Variants in DST observed in about 807,000 individuals in gnomAD.
The protein encoded by DST is dystonin.
A neutral mutation model predicts 875.2 loss-of-function variants in DST; 253 were observed. The ratio of observed to expected loss-of-function variants is 0.29; its 90% CI spans 0.26 to 0.32. The LOEUF is 0.32. Among genes scored for constraint, DST ranks in the 10% least tolerant of loss-of-function variants. The probability of loss-of-function intolerance (pLI) is 1.00; values close to 1 mark genes in which losing one functional copy is unlikely to be tolerated. For missense variants in DST, 8,287 were observed against 9,111.6 expected (o/e 0.91, Z 3.68); for synonymous variants, 3,124 against 3,197.1 (o/e 0.98, Z 0.77).
intron 4 of DST, among the ~76,000 whole-genome samples, chr6:56,803,282 C>T (rs907121082): frequency 1.3e-5 from 2 of 152,198 alleles, no homozygotes; most frequent in African/African-American, 4.8e-5. Context: ...TAGCCTATTC[C>T]TTGGGAAATC....
Position 56,720,064 on chromosome 6 carries a change from C to T in DST, c.687+15164G>A, listed in dbSNP as rs189116488. 4.2e-3 allele frequency among the ~76,000 whole-genome samples: 643 copies of T among 152,226 alleles called. 1 individual carries two copies. The highest frequency in any genetic ancestry group is 0.031 in the Middle Eastern group (9 of 294). Reference sequence around the variant, plus strand: ...ACCAAAATTTATTAGGCGGGAATTTCCTCTTCCTAATAAGCCTGGGAGCAC... The same window carrying T: ...ACCAAAATTTATTAGGCGGGAATTTTCTCTTCCTAATAAGCCTGGGAGCAC... On this transcript the variant is annotated intron_variant, in intron 5 of 103. Coordinates refer to ENST00000680361, the MANE Select transcript of DST (RefSeq NM_001374736.1).
chr6:56,616,641 T>C, intron 36 of DST: 1 of 1,614,174 alleles, frequency 6.2e-7, no homozygotes. Flanking sequence ...AAGATGGCAT[T>C]ATTCAACAAC....
intron 3 of DST, among the ~76,000 whole-genome samples, chr6:56,875,085 C>A (rs1353143501): frequency 2.0e-5 from 3 of 152,120 alleles, no homozygotes; most frequent in African/African-American, 7.2e-5. Flanking sequence ...CCAGGTTCAC[C>A]CCATTCTCCT....
At chr6:56,735,089 A>C (rs545403648) in intron 5 of DST, 139 bp downstream of exon 5, 1 of 679,914 alleles carries the variant, frequency 1.5e-6, no homozygotes, top group East Asian at 2.8e-5. Context: ...AGATGCCTAA[A>C]ATGCATGCAA....
chr6:56,553,192 T>G lies in DST; in HGVS notation c.15600A>C (p.Glu5200Asp). 6.2e-7 allele frequency: 1 copy of G among 1,614,002 alleles called. No individual in the cohort carries two copies. Among genetic ancestry groups the G allele is most frequent in the Non-Finnish European group, 8.5e-7 (1 of 1,179,896 alleles). Residue 5200 changes from glutamate (E) to aspartate (D), a missense_variant, in exon 61 of 104, where the codon GAA becomes GAC. Glu to Asp is a conservative substitution (Grantham distance 45). This residue lies in a region of DST where 1,513 missense variants were observed against 1,677.8 expected (regional missense o/e 0.90). Transcript: ENST00000680361. ...EEIKFCLDPAEGENSIAKLKS... is the reference protein window; with the variant it reads ...EEIKFCLDPADGENSIAKLKS... The stretch of plus-strand genomic sequence containing the variant: ...TTAACTTGGCAATAGAATTCTCTCC[T>G]TCAGCAGGATCCAAGCAAAATTTTA...
At chr6:56,750,116 C>G (rs989564283) in intron 4 of DST, among the ~76,000 whole-genome samples, 1 of 152,192 alleles carries the variant, frequency 6.6e-6, no homozygotes, top group Non-Finnish European at 1.5e-5. Flanking sequence ...GCAGACTTCT[C>G]TCTGAGGCTT....
At chr6:56,761,082 G>C (rs1447952819) in intron 4 of DST, among the ~76,000 whole-genome samples, 1 of 152,196 alleles carries the variant, frequency 6.6e-6, no homozygotes, top group African/African-American at 2.4e-5. Context: ...CTTACCCTGG[G>C]GGAAGCCAGT....
intron 90 of DST, among the ~76,000 whole-genome samples, chr6:56,478,663 G>C (rs1363172166): frequency 6.6e-6 from 1 of 152,136 alleles, no homozygotes; most frequent in Non-Finnish European, 1.5e-5. Context: ...TAGAATGTTA[G>C]AGATCTGCAA....
chr6:56,466,740 CAT>C (rs1172575772), intron 98 of DST: 8 of 152,292 alleles, frequency 5.3e-5, no homozygotes, highest in Admixed American at 4.6e-4. Flanking sequence ...GAGTATGACT[CAT>C]ATAAATTTCA....
rs78059367 is a variant in DST, at chr6:56,941,125, T to C, written c.216+12660A>G. On this transcript the variant is annotated intron_variant, in intron 2 of 103. Coordinates refer to ENST00000680361, the MANE Select transcript of DST (RefSeq NM_001374736.1). Reference sequence around the variant, plus strand: ...CAACACCCTCTCCAACTTCTCAAGGTTGAAGCTTTGTTAATTGATTTTAGA... The same window carrying C: ...CAACACCCTCTCCAACTTCTCAAGGCTGAAGCTTTGTTAATTGATTTTAGA... 1.2e-4 allele frequency among the ~76,000 whole-genome samples: 18 copies of C among 152,326 alleles called. No individual in the cohort carries two copies. The South Asian group carries it at 3.7e-3, about 32-fold the overall frequency.
chr6:56,859,626 A>G (rs2127590679), intron 3 of DST, among the ~76,000 whole-genome samples: 1 of 152,362 alleles, frequency 6.6e-6, no homozygotes, highest in Non-Finnish European at 1.5e-5. Context: ...TAACTAGAAA[A>G]TACTTAATCT....
intron 4 of DST, among the ~76,000 whole-genome samples, chr6:56,752,531 A>C (rs2099590513): frequency 6.8e-6 from 1 of 147,782 alleles, no homozygotes; most frequent in African/African-American, 2.7e-5. Flanking sequence ...GACACTGTAG[A>C]TTGATTAGCT....
rs916054830 is a variant in DST at position 56,458,057 on chromosome 6, T to C, written c.*948A>G. 2.0e-5 allele frequency: 3 copies of C among 152,430 alleles called. No homozygotes were observed. The highest frequency in any genetic ancestry group is 7.2e-5 in the African/African-American group (3 of 41,402). The allele number at this position is 152,430 out of a possible 1,614,324, so 9.4% of individuals were successfully genotyped here. The stretch of plus-strand genomic sequence containing the variant: ...TCTTTCTATAGTATGTGAGTACACA[T>C]AATAAATTAAAATGTATATATTTAT... On this transcript the variant is annotated 3_prime_UTR_variant, in exon 104 of 104. Coordinates refer to ENST00000680361, the MANE Select transcript of DST (RefSeq NM_001374736.1).
At chr6:56,876,267 G>A (rs1779590186) in intron 3 of DST, among the ~76,000 whole-genome samples, 1 of 152,152 alleles carries the variant, frequency 6.6e-6, no homozygotes, top group East Asian at 1.9e-4. Context: ...GGATGGGCCA[G>A]CCAACACCTC....
chr6:56,601,555 C>A lies in DST; in HGVS notation c.11429G>T (p.Arg3810Met). 1.9e-6 allele frequency: 3 copies of A among 1,604,630 alleles called. No homozygotes were observed. Among genetic ancestry groups the A allele is most frequent in the Middle Eastern group, 3.3e-4 (2 of 6,048 alleles). ...ACACTTCTGAGTTGTATTTAAGAGCCTCAGCAGTTGTTTGCTTTGGTTGGG... is the reference window on the plus strand; with the variant it reads ...ACACTTCTGAGTTGTATTTAAGAGCATCAGCAGTTGTTTGCTTTGGTTGGG... ...LSPNQSKQLL[R>M]LLNTTQKCFL... Residue 3810 changes from arginine (R) to methionine (M), a missense_variant, in exon 44 of 104, where the codon AGG becomes ATG. By Grantham distance (91) the Arg-to-Met change is moderately conservative (BLOSUM62 -1). Coordinates refer to ENST00000680361, the MANE Select transcript of DST (RefSeq NM_001374736.1).
intron 5 of DST, among the ~76,000 whole-genome samples, chr6:56,719,311 G>A (rs2099406129): frequency 6.6e-6 from 1 of 152,100 alleles, no homozygotes; most frequent in Non-Finnish European, 1.5e-5. Context: ...TAAGTTAAAG[G>A]ACTGATCATA....
At chr6:56,518,276 C>T (rs529868737) in intron 69 of DST, among the ~76,000 whole-genome samples, 1 of 151,996 alleles carries the variant, frequency 6.6e-6, no homozygotes, top group Non-Finnish European at 1.5e-5. Flanking sequence ...AAGCACAGTA[C>T]AAATTCATAA....
At chr6:56,846,368 T>A (rs1170130791) in intron 4 of DST, among the ~76,000 whole-genome samples, 1 of 152,172 alleles carries the variant, frequency 6.6e-6, no homozygotes, top group Non-Finnish European at 1.5e-5. Context: ...TCTGCCTGAG[T>A]TCAAAGTCTG....
At chr6:56,815,474 T>A (rs1311261333) in intron 4 of DST, among the ~76,000 whole-genome samples, 1 of 152,234 alleles carries the variant, frequency 6.6e-6, no homozygotes, top group East Asian at 1.9e-4. Context: ...CTAGCTTGAG[T>A]TTGTCATCTT....
Sources: gnomAD v4.1 joint callset for allele counts (sites outside exome capture counted in the v4.1 genomes callset) on GRCh38, gnomAD v4.1.1 for gene constraint, gnomAD v4.1.1 regional missense constraint, MANE v1.5 for transcripts, NCBI Gene and HGNC (gene_info 2026-07-23, HGNC 2026-07-21) for gene names.